GLIS3: variants seen among roughly 807,000 people sequenced by gnomAD.
GLIS3 encodes zinc finger protein GLIS3.
GLIS3 carries 53 observed loss-of-function variants against 78.6 expected under a neutral mutation model. The observed-to-expected ratio is 0.67, with a 90% confidence interval of 0.54 to 0.85. GLIS3 has a LOEUF of 0.85. GLIS3 is among the 40% of genes least tolerant of loss of function. The pLI is 0.00. For synonymous variants in GLIS3, 684 were observed against 509.9 expected, an observed-to-expected ratio of 1.34 and a Z score of -4.60; for missense variants, 1,703 against 1,231.1, an observed-to-expected ratio of 1.38 and a Z score of -5.74.
At chr9:4,361,282 G>C in the GLIS3 span, among the ~76,000 whole-genome samples, 1 of 152,208 alleles carries the variant, frequency 6.6e-6, no homozygotes, top group Admixed American at 6.5e-5. Flanking sequence ...CTTGTCTCAA[G>C]AAGGGACTCC....
intron 2 of GLIS3, among the ~76,000 whole-genome samples, chr9:4,215,897 A>C (rs929738175): frequency 6.6e-6 from 1 of 152,212 alleles, no homozygotes; most frequent in African/African-American, 2.4e-5. Flanking sequence ...TGGTTCAAGC[A>C]ATATAGGGAA....
chr9:3,975,644 G>C (rs1367035338), intron 4 of GLIS3, among the ~76,000 whole-genome samples: 1 of 151,350 alleles, frequency 6.6e-6, no homozygotes, highest in East Asian at 1.9e-4. Flanking sequence ...AAATAGACTA[G>C]AAACCAGTAA....
intron 8 of GLIS3, among the ~76,000 whole-genome samples, chr9:3,866,508 G>C (rs961736653): frequency 1.3e-5 from 2 of 152,128 alleles, no homozygotes; most frequent in Non-Finnish European, 2.9e-5. Flanking sequence ...AGATAGTCAA[G>C]AAGGGCCTTT....
intron 4 of GLIS3, among the ~76,000 whole-genome samples, chr9:4,041,869 T>C (rs75607674): frequency 1.3e-5 from 2 of 152,330 alleles, no homozygotes; most frequent in East Asian, 3.9e-4. Flanking sequence ...ACAGTCTTAG[T>C]GATTATGCTT....
chr9:4,372,966 C>T, the GLIS3 span, among the ~76,000 whole-genome samples: 3 of 152,158 alleles, frequency 2.0e-5, no homozygotes, highest in African/African-American at 7.2e-5. Context: ...GGGCCTTGTG[C>T]AGTGATTGGT....
chr9:4,339,108 T>C (rs1040621451), intron 2 of GLIS3, among the ~76,000 whole-genome samples: 1 of 152,184 alleles, frequency 6.6e-6, no homozygotes, highest in African/African-American at 2.4e-5. Flanking sequence ...TCGATATGTT[T>C]GGGAGGATAA....
intron 4 of GLIS3, among the ~76,000 whole-genome samples, chr9:4,105,869 G>A (rs961149022): frequency 3.9e-5 from 6 of 152,082 alleles, no homozygotes; most frequent in East Asian, 3.9e-4. Flanking sequence ...GAACACGATC[G>A]GGGTGACCCA....
chr9:4,307,479 T>A (rs962621123), intron 4 of GLIS3, among the ~76,000 whole-genome samples: 4 of 152,050 alleles, frequency 2.6e-5, no homozygotes, highest in Non-Finnish European at 5.9e-5. Flanking sequence ...ACTATCCACC[T>A]CCTCTTACTC....
At chr9:3,885,256 T>A (rs955416850) in intron 7 of GLIS3, among the ~76,000 whole-genome samples, 2 of 152,228 alleles carry the variant, frequency 1.3e-5, no homozygotes, top group African/African-American at 4.8e-5. Context: ...CAATTAGTTA[T>A]ATGCATCCTT....
intron 2 of GLIS3, among the ~76,000 whole-genome samples, chr9:4,244,074 C>G (rs1180177178): frequency 6.6e-6 from 1 of 152,212 alleles, no homozygotes; most frequent in African/African-American, 2.4e-5. Flanking sequence ...TTCTGAATTC[C>G]ACTCATCTTT....
chr9:4,434,128 A>G, the GLIS3 span, among the ~76,000 whole-genome samples: 1 of 151,988 alleles, frequency 6.6e-6, no homozygotes, highest in African/African-American at 2.4e-5. Flanking sequence ...GTCTACCTAA[A>G]TTGCAATTGT....
At chr9:4,035,100 G>T (rs896275309) in intron 4 of GLIS3, 1 of 152,162 alleles carries the variant, frequency 6.6e-6, no homozygotes, top group Admixed American at 6.6e-5. Flanking sequence ...TAGTCTAAAA[G>T]TACTAGGAGT....
At chr9:4,338,798 TG>T (rs1341195529) in intron 2 of GLIS3, among the ~76,000 whole-genome samples, 1 of 152,182 alleles carries the variant, frequency 6.6e-6, no homozygotes, top group African/African-American at 2.4e-5. Context: ...CTAAGGAGCC[TG>T]GAAAAAGCAC....
the GLIS3 span, among the ~76,000 whole-genome samples, chr9:4,363,019 A>T: frequency 1.3e-5 from 2 of 152,158 alleles, no homozygotes; most frequent in Non-Finnish European, 2.9e-5. Context: ...GAGAGAAGTG[A>T]ACACTGGTCC....
Position 4,259,486 on chromosome 9 carries a change from G to C in GLIS3, c.388+26552C>G, listed in dbSNP as rs568455795. On this transcript the variant is annotated intron_variant, in intron 2 of 10. Transcript: ENST00000381971. ...AGGGGTGGGGGAACTAAGATGGGAG[G>C]AGTTTAAGTTGACTATATTCTTATT... 7.6e-4 allele frequency among the ~76,000 whole-genome samples: 116 copies of C among 152,178 alleles called. 2 individuals carry two copies. The highest frequency in any genetic ancestry group is 6.9e-3 in the South Asian group (33 of 4,816).
intron 2 of GLIS3, among the ~76,000 whole-genome samples, chr9:4,150,036 A>G (rs1027859642): frequency 7.8e-5 from 11 of 141,722 alleles, no homozygotes; most frequent in Non-Finnish European, 1.3e-4. Flanking sequence ...GGGTGCACGC[A>G]TGCACACATA....
intron 2 of GLIS3, among the ~76,000 whole-genome samples, chr9:4,253,096 AC>A (rs953743069): frequency 6.6e-6 from 1 of 152,202 alleles, no homozygotes; most frequent in African/African-American, 2.4e-5. Context: ...GGGGTCAGGG[AC>A]CCACTGGAGG....
At chr9:4,367,894 T>C in the GLIS3 span, among the ~76,000 whole-genome samples, 1 of 152,210 alleles carries the variant, frequency 6.6e-6, no homozygotes, top group African/African-American at 2.4e-5. Flanking sequence ...GAAAATGTTA[T>C]TATCTTCAAT....
intron 4 of GLIS3, among the ~76,000 whole-genome samples, chr9:4,022,215 T>G (rs1447154761): frequency 6.6e-6 from 1 of 152,152 alleles, no homozygotes; most frequent in African/African-American, 2.4e-5. Context: ...AAAAGAGGCC[T>G]TAGAGAGATT....
Sources: allele counts gnomAD v4.1 joint callset (sites outside exome capture counted in the v4.1 genomes callset), GRCh38; gene constraint gnomAD v4.1.1; transcripts MANE v1.5; gene names NCBI Gene and HGNC (gene_info 2026-07-23, HGNC 2026-07-21).